Variants in NOS1 observed in about 807,000 individuals in gnomAD.
NOS1 encodes the protein NOS type I.
A neutral mutation model predicts 164.5 loss-of-function variants in NOS1; 51 were observed. That is an observed-to-expected ratio of 0.31 (90% CI 0.25 to 0.39). NOS1 has a LOEUF of 0.39. Ranked by LOEUF, NOS1 falls within the 10% of genes least tolerant of loss-of-function variation. The pLI is 1.00. For synonymous variants in NOS1, 719 were observed against 745.8 expected (o/e 0.96, Z 0.59); for missense variants, 1,362 against 1,885.6 (o/e 0.72, Z 5.14).
rs150689687 is a variant in NOS1, at chr12:117,353,971, GAAAC to G, written c.-421+7537_-421+7540del. ...ACAAAACAACAATGAAAAAACCAAT[GAAAC>G]AAACAAACAAAAACCAAATCTCTGC... On this transcript the variant is annotated intron_variant, in intron 1 of 28. Transcript: ENST00000317775. Among the ~76,000 whole-genome samples, 530 of 152,158 alleles carry G rather than the reference GAAAC, an allele frequency of 3.5e-3. 4 individuals carry two copies. The highest frequency in any genetic ancestry group is 0.012 in the African/African-American group (509 of 41,548).
rs1204694225 is a variant in NOS1 at position 117,243,106 on chromosome 12, G to C, written c.2962+191C>G. On this transcript the variant is annotated intron_variant, in intron 19 of 28. Coordinates refer to ENST00000317775, the MANE Select transcript of NOS1 (RefSeq NM_000620.5). This position sits in a 1 kb window ranked among gnomAD's most constrained non-coding sequence, Gnocchi z 4.3. ...AGAACACAGTACATTACTAGAGAGA[G>C]AGAGGGAAACATTTACCAGCACTTG... 3.3e-5 allele frequency among the ~76,000 whole-genome samples: 5 copies of C among 152,186 alleles called. No homozygotes were observed. In the East Asian group the frequency reaches 9.6e-4, roughly 29 times the overall value.
chr12:117,330,300 GCA>G lies in NOS1; in HGVS notation c.725+43_725+44del, dbSNP rs111326073. ...GACGCACATGCACACACACAAGCAT[GCA>G]CACACACACACACACACACACACAC... On this transcript the variant is annotated intron_variant, in intron 2 of 28. Transcript: ENST00000317775. This position sits in a 1 kb window ranked among gnomAD's most constrained non-coding sequence, Gnocchi z 4.6. 11,130 of 1,461,226 alleles carry G rather than the reference GCA, an allele frequency of 7.6e-3. No homozygotes were observed. Among genetic ancestry groups the G allele is most frequent in the East Asian group, 0.036 (1,369 of 38,486 alleles). The allele number at this position is 1,461,226 out of a possible 1,614,324, so 90.5% of individuals were successfully genotyped here. A position where few individuals can be genotyped will look rare whatever the true frequency, so the allele number is the denominator to read the frequency against.
At chr12:117,294,930 C>T (rs1382486892) in intron 3 of NOS1, among the ~76,000 whole-genome samples, 1 of 152,112 alleles carries the variant, frequency 6.6e-6, no homozygotes, top group African/African-American at 2.4e-5. Context: ...CTTGCAGAGG[C>T]CCTGAAGGAA....
chr12:117,247,392 C>T lies in NOS1; in HGVS notation c.2779G>A (p.Gly927Arg). The change falls in exon 18 of 29, where the codon GGG (glycine) becomes AGG (arginine). Residue 927 changes from glycine to arginine, a missense_variant. Transcript: ENST00000317775. ...LKMREGDELC[G>R]QEEAFRTWAK... ...CAGGTCCTGAAAGCCTCTTCCTGCC[C>T]ACAGAGCTCATCCCCTTCCCTCATC... The T allele has an allele frequency of 1.9e-6, 3 of 1,610,544 alleles. No individual in the cohort carries two copies. Among genetic ancestry groups the T allele is most frequent in the Non-Finnish European group, 1.7e-6 (2 of 1,178,524 alleles).
In NOS1 at chr12:117,209,578, G is replaced by T. The variant is rs996721105; in HGVS notation, c.*5731C>A. 1.2e-5 allele frequency: 12 copies of T among 985,368 alleles called. No individual in the cohort carries two copies. The highest frequency in any genetic ancestry group is 7.0e-5 in the African/African-American group (4 of 57,258). 61.0% of individuals were successfully genotyped at this position (985,368 alleles called of 1,614,324 possible). On this transcript the variant is annotated 3_prime_UTR_variant, in exon 29 of 29. Transcript: ENST00000317775. Reference sequence around the variant, plus strand: ...TTTTGGGCCAGACGGGCATAGCCCCGCTTGACCAGAACTGTTTGGGTATTT... The same window carrying T: ...TTTTGGGCCAGACGGGCATAGCCCCTCTTGACCAGAACTGTTTGGGTATTT...
chr12:117,267,537 A>G (rs1159693011), intron 11 of NOS1, among the ~76,000 whole-genome samples: 1 of 151,262 alleles, frequency 6.6e-6, no homozygotes, highest in Non-Finnish European at 1.5e-5. Flanking sequence ...CAGTGAGTCG[A>G]GATTGTGCCA....
rs1956549941 is a variant in NOS1 at position 117,212,874 on chromosome 12, C to A, written c.*2435G>T. Reference sequence around the variant, plus strand: ...AGAGAGGCTTTTGGTATCAGGAATTCTGGCAAATGAAAGAAACACATCAGA... The same window carrying A: ...AGAGAGGCTTTTGGTATCAGGAATTATGGCAAATGAAAGAAACACATCAGA... On this transcript the variant is annotated 3_prime_UTR_variant, in exon 29 of 29. Transcript: ENST00000317775. 1.0e-6 allele frequency: 1 copy of A among 985,244 alleles called. No homozygotes were observed. Among genetic ancestry groups the A allele is most frequent in the Admixed American group, 6.2e-5 (1 of 16,244 alleles). The allele number at this position is 985,244 out of a possible 1,614,324, so 61.0% of individuals were successfully genotyped here. A position where few individuals can be genotyped will look rare whatever the true frequency, so the allele number is the denominator to read the frequency against.
chr12:117,231,971 G>C lies in NOS1; in HGVS notation c.3396C>G (p.Val1132=). 1 of 1,612,180 alleles carries C rather than the reference G, an allele frequency of 6.2e-7. No homozygotes were observed. The highest frequency in any genetic ancestry group is 8.5e-7 in the Non-Finnish European group (1 of 1,179,516). Residue 1132 remains valine (V), a synonymous_variant, in exon 22 of 29, where the codon GTC becomes GTG. Transcript: ENST00000317775. ...TSEKEKQRLL[V]LSKGLQEYEE... is the part of the protein sequence containing the mutation. Reference sequence around the variant, plus strand: ...AAGCCTGGGGACCCACCTTGCTGAGGACCAGCAGACGCTGCTTCTCCTTCT... The same window carrying C: ...AAGCCTGGGGACCCACCTTGCTGAGCACCAGCAGACGCTGCTTCTCCTTCT...
chr12:117,321,901 C>T (rs1184169437), intron 2 of NOS1, among the ~76,000 whole-genome samples: 1 of 151,510 alleles, frequency 6.6e-6, no homozygotes, highest in Non-Finnish European at 1.5e-5. Context: ...GAACAGAATC[C>T]TTCCTTCCTT....
In NOS1 at chr12:117,260,508, G is replaced by C; in HGVS notation, c.2324C>G (p.Ala775Gly). 6.2e-7 allele frequency: 1 copy of C among 1,614,104 alleles called. No individual in the cohort carries two copies. The highest frequency in any genetic ancestry group is 8.5e-7 in the Non-Finnish European group (1 of 1,180,000). Residue 775 changes from alanine to glycine, a missense_variant, in exon 14 of 29, where the codon GCC becomes GGC. Physicochemically the swap from Ala to Gly is moderately conservative, Grantham distance 60. Coordinates refer to ENST00000317775, the MANE Select transcript of NOS1 (RefSeq NM_000620.5). Reference sequence around the variant, plus strand: ...TTTGAAGATCTCACACAAGGTCTTGGCATAAGCTTGCGATTTGCCTGTCTC... The same window carrying C: ...TTTGAAGATCTCACACAAGGTCTTGCCATAAGCTTGCGATTTGCCTGTCTC... ...ATETGKSQAY[A>G]KTLCEIFKHA...
In NOS1 at chr12:117,330,445, T is replaced by C; in HGVS notation, c.625A>G (p.Ile209Val). The change falls in exon 2 of 29, where the codon ATA becomes GTA. Residue 209 changes from isoleucine (I) to valine (V), a missense_variant. By Grantham distance (29) the Ile-to-Val change is conservative. Coordinates refer to ENST00000317775, the MANE Select transcript of NOS1 (RefSeq NM_000620.5). This position sits in a 1 kb window ranked among gnomAD's most constrained non-coding sequence, Gnocchi z 4.6. ...GTGAGAAGGCTCAGCACAGGCTCTA[T>C]CTCCTTGAGCAGTTCATTGTTCTCC... is the stretch of plus-strand genomic sequence containing the variant. ...RGENNELLKE[I>V]EPVLSLLTSG... is the part of the protein sequence containing the mutation. The C allele has an allele frequency of 3.7e-6, 6 of 1,614,200 alleles. No homozygotes were observed. In the Middle Eastern group the frequency reaches 4.9e-4, roughly 133 times the overall value.
chr12:117,320,354 C>G (rs1183895707), intron 2 of NOS1, among the ~76,000 whole-genome samples: 4 of 151,996 alleles, frequency 2.6e-5, no homozygotes, highest in Non-Finnish European at 5.9e-5. Context: ...AGGGATGTCA[C>G]CACGGAAGCA....
Position 117,212,103 on chromosome 12 carries a change from CTG to C in NOS1, c.*3204_*3205del, listed in dbSNP as rs1956537352. The stretch of plus-strand genomic sequence containing the variant: ...ATTCTAACCTTCTGCACGAGAGGAA[CTG>C]TGTTTTGCTTATCTCTGCAAACTGC... On this transcript the variant is annotated 3_prime_UTR_variant, in exon 29 of 29. Coordinates refer to ENST00000317775, the MANE Select transcript of NOS1 (RefSeq NM_000620.5). The C allele has an allele frequency of 1.0e-6, 1 of 985,118 alleles. No individual in the cohort carries two copies. The highest frequency in any genetic ancestry group is 1.2e-6 in the Non-Finnish European group (1 of 829,786). 61.0% of individuals were successfully genotyped at this position (985,118 alleles called of 1,614,324 possible). A position where few individuals can be genotyped will look rare whatever the true frequency, so the allele number is the denominator to read the frequency against.
Position 117,210,139 on chromosome 12 carries a change from ATTTTTTT to A in NOS1, c.*5163_*5169del, listed in dbSNP as rs146442744. On this transcript the variant is annotated 3_prime_UTR_variant, in exon 29 of 29. Transcript: ENST00000317775. ...AGGAGCATGCCATCATGCCCAGCTA[ATTTTTTT>A]TTTTTTTTTTTTTTAGTAGAGACGA... 3 of 290,152 alleles carry A rather than the reference ATTTTTTT, an allele frequency of 1.0e-5. No individual in the cohort carries two copies. The highest frequency in any genetic ancestry group is 1.4e-5 in the Non-Finnish European group (3 of 207,376). 18.0% of individuals were successfully genotyped at this position (290,152 alleles called of 1,614,324 possible).
At chr12:117,307,318 T>G (rs1224618745) in intron 3 of NOS1, among the ~76,000 whole-genome samples, 1 of 151,930 alleles carries the variant, frequency 6.6e-6, no homozygotes, top group African/African-American at 2.4e-5. Context: ...AAAGAAAGAC[T>G]TTTGTGTGTG....
At chr12:117,322,208 TTCCC>T (rs1187737224) in intron 2 of NOS1, among the ~76,000 whole-genome samples, 1 of 113,410 alleles carries the variant, frequency 8.8e-6, no homozygotes, top group East Asian at 2.9e-4. Context: ...CTCTCCTTCC[TTCCC>T]TCCCTCTTTC....
At chr12:117,337,630 A>G (rs1875900158) in intron 1 of NOS1, among the ~76,000 whole-genome samples, 1 of 152,178 alleles carries the variant, frequency 6.6e-6, no homozygotes, top group African/African-American at 2.4e-5. Context: ...AATGACAAAG[A>G]GGGTTTGCAA....
chr12:117,212,898 G>A lies in NOS1; in HGVS notation c.*2411C>T, dbSNP rs964424344. 167 of 985,398 alleles carry A rather than the reference G, an allele frequency of 1.7e-4. No homozygotes were observed. Among genetic ancestry groups the A allele is most frequent in the African/African-American group, 1.4e-3 (80 of 57,340 alleles). 61.0% of individuals were successfully genotyped at this position (985,398 alleles called of 1,614,324 possible). On this transcript the variant is annotated 3_prime_UTR_variant, in exon 29 of 29. Coordinates refer to ENST00000317775, the MANE Select transcript of NOS1 (RefSeq NM_000620.5). ...TCTGGCAAATGAAAGAAACACATCA[G>A]ATCGCTCTCCTGCCTTCTAGCCTGG...
chr12:117,233,345 G>T (rs535974861), intron 21 of NOS1, among the ~76,000 whole-genome samples: 1 of 151,148 alleles, frequency 6.6e-6, no homozygotes, highest in African/African-American at 2.4e-5. Flanking sequence ...AACCATGCCC[G>T]GCCTGATGCC....
Sources: gnomAD v4.1 joint callset for allele counts (sites outside exome capture counted in the v4.1 genomes callset) on GRCh38, gnomAD v4.1.1 for gene constraint, Gnocchi (gnomAD v3.1) non-coding constraint, MANE v1.5 for transcripts, NCBI Gene and HGNC (gene_info 2026-07-23, HGNC 2026-07-21) for gene names.